The following TRAPPC9 variants were observed in gnomAD, a reference collection of about 807,000 sequenced individuals.
TRAPPC9 encodes IKK2 binding protein.
In TRAPPC9, 83 loss-of-function variants were observed where a neutral mutation model predicts 124.0. That is an observed-to-expected ratio of 0.67 (90% confidence interval 0.56 to 0.80). TRAPPC9 has a LOEUF of 0.80. Among genes scored for constraint, TRAPPC9 ranks in the 30% least tolerant of loss-of-function variants. The probability of loss-of-function intolerance (pLI) is 0.00; values close to 1 mark genes in which losing one functional copy is unlikely to be tolerated. For synonymous variants in TRAPPC9, 638 were observed against 617.5 expected (o/e 1.03, Z -0.49); for missense variants, 1,302 against 1,508.3 (o/e 0.86, Z 2.27).
At position 139,776,362 on chromosome 8, in the gene TRAPPC9, T is replaced by A. The variant is rs1265917697; in HGVS notation, c.3056-44160A>T. The stretch of plus-strand genomic sequence containing the variant: ...TCATCTCACTCGTCACAACATAGTA[T>A]TGATCGGTTTGTCCTCCGTGACCCA... On this transcript the variant is annotated intron_variant, in intron 21 of 22. Transcript: ENST00000438773. The surrounding 1 kb of genome is among the most constrained non-coding windows in gnomAD (Gnocchi z 4.1). Among the ~76,000 whole-genome samples, 3 of 152,198 alleles carry A rather than the reference T, an allele frequency of 2.0e-5. No homozygotes were observed. Among genetic ancestry groups the A allele is most frequent in the Non-Finnish European group, 4.4e-5 (3 of 68,032 alleles).
intron 17 of TRAPPC9, chr8:140,095,969 G>T (rs1844917210): frequency 6.6e-6 from 1 of 152,222 alleles, no homozygotes; most frequent in Non-Finnish European, 1.5e-5. Context: ...TTTTGGGTCT[G>T]CTTTCCCTCA....
At chr8:140,012,072 A>C (rs1839174396) in intron 18 of TRAPPC9, among the ~76,000 whole-genome samples, 1 of 152,210 alleles carries the variant, frequency 6.6e-6, no homozygotes, top group Admixed American at 6.5e-5. Flanking sequence ...GGCCTCCCAA[A>C]GTGCTGGGAC....
rs1823157975 is a variant in TRAPPC9 at position 139,797,151 on chromosome 8, C to T, written c.3056-64949G>A. 2.0e-5 allele frequency among the ~76,000 whole-genome samples: 3 copies of T among 151,146 alleles called. No homozygotes were observed. The South Asian group carries it at 6.3e-4, about 32-fold the overall frequency. On this transcript the variant is annotated intron_variant, in intron 21 of 22. Transcript: ENST00000438773. ...TCTTCGTATATTCTGGATACCAGTC[C>T]CTTATCAGATATATGGTTTGCAAAT...
At position 140,221,471 on chromosome 8, in the gene TRAPPC9, G is replaced by A. The variant is rs776241111; in HGVS notation, c.2544C>T (p.Tyr848=). ...NPPESNKAGD[Y]SHVKTLEAVL... ...CATACCAACTCACCTTCACGTGGCT[G>A]TAGTCGCCTGCTTTGTTGCTCTCGG... The change falls in exon 17 of 23, where the codon TAC becomes TAT. Residue 848 remains tyrosine (Y), a synonymous_variant. Transcript: ENST00000438773. 1.4e-5 allele frequency: 23 copies of A among 1,614,004 alleles called. No individual in the cohort carries two copies. In the South Asian group the frequency reaches 1.9e-4, roughly 13 times the overall value.
chr8:140,150,077 T>C (rs527485793), intron 17 of TRAPPC9, among the ~76,000 whole-genome samples: 9 of 152,074 alleles, frequency 5.9e-5, no homozygotes, highest in Admixed American at 1.3e-4. Context: ...ATGATGACAG[T>C]GGCAGTGGTT....
At chr8:140,163,045 CAATTTTTTAAAAT>C (rs2061777061) in intron 17 of TRAPPC9, among the ~76,000 whole-genome samples, 1 of 152,026 alleles carries the variant, frequency 6.6e-6, no homozygotes, top group African/African-American at 2.4e-5. Flanking sequence ...TATTCTACCA[CAATTTTTTAAAAT>C]AATTTTTTAA....
intron 8 of TRAPPC9, among the ~76,000 whole-genome samples, chr8:140,361,176 C>T (rs1169957878): frequency 5.3e-5 from 8 of 152,250 alleles, no homozygotes; most frequent in African/African-American, 1.2e-4. Flanking sequence ...AAAACTGCCA[C>T]GCACTGAAAG....
At chr8:140,158,023 T>A (rs191525857) in intron 17 of TRAPPC9, among the ~76,000 whole-genome samples, 82 of 152,388 alleles carry the variant, frequency 5.4e-4, no homozygotes, top group African/African-American at 1.9e-3. Flanking sequence ...TCCCTGTTGT[T>A]GGACATTTAT....
chr8:139,892,252 T>G (rs1220465077), intron 20 of TRAPPC9, among the ~76,000 whole-genome samples: 1 of 152,200 alleles, frequency 6.6e-6, no homozygotes, highest in Non-Finnish European at 1.5e-5. Context: ...TCTCCCCATG[T>G]AGTACCCAAG....
intron 2 of TRAPPC9, among the ~76,000 whole-genome samples, chr8:140,445,487 C>T (rs961074397): frequency 1.3e-5 from 2 of 152,152 alleles, no homozygotes; most frequent in African/African-American, 4.8e-5. Context: ...TCCAGGAGAG[C>T]ACCTGGGTTG....
intron 14 of TRAPPC9, among the ~76,000 whole-genome samples, chr8:140,283,499 G>A (rs919445926): frequency 5.3e-5 from 8 of 150,564 alleles, no homozygotes; most frequent in South Asian, 2.1e-4. Context: ...GGGTTTCACC[G>A]TGTTAGCCAG....
chr8:140,245,774 ATCAGCC>A (rs2063969826), intron 16 of TRAPPC9, among the ~76,000 whole-genome samples: 2 of 152,196 alleles, frequency 1.3e-5, no homozygotes, highest in South Asian at 4.1e-4. Context: ...CAGAGCGCTG[ATCAGCC>A]TCAGGTGTGA....
chr8:139,859,836 G>A (rs914148172), intron 21 of TRAPPC9, among the ~76,000 whole-genome samples: 6 of 152,224 alleles, frequency 3.9e-5, no homozygotes, highest in East Asian at 3.8e-4. Flanking sequence ...AAGGAACCAC[G>A]ATAGGAGAGG....
chr8:140,152,277 T>C (rs972101499), intron 17 of TRAPPC9, among the ~76,000 whole-genome samples: 8 of 149,348 alleles, frequency 5.4e-5, no homozygotes, highest in Non-Finnish European at 1.0e-4. Flanking sequence ...TAGGATTAGC[T>C]TGTCAATTTC....
chr8:140,086,659 T>A (rs1291340754), intron 17 of TRAPPC9, among the ~76,000 whole-genome samples: 1 of 152,192 alleles, frequency 6.6e-6, no homozygotes, highest in Admixed American at 6.5e-5. Context: ...TGGTGGCTCA[T>A]GCCTGTAATC....
At chr8:140,396,138 C>CAT (rs760056077) in intron 7 of TRAPPC9, among the ~76,000 whole-genome samples, 6 of 83,344 alleles carry the variant, frequency 7.2e-5, no homozygotes, top group African/African-American at 1.7e-4. Flanking sequence ...AAGACCTTGC[C>CAT]TTTTTTTTTT....
chr8:139,814,063 C>G (rs1824641233), intron 21 of TRAPPC9, among the ~76,000 whole-genome samples: 1 of 152,226 alleles, frequency 6.6e-6, no homozygotes, highest in Non-Finnish European at 1.5e-5. Context: ...CCTGCATCTT[C>G]CCTCACTGCC....
chr8:140,404,893 CGTGT>C (rs1009283803), intron 6 of TRAPPC9, among the ~76,000 whole-genome samples: 1 of 62,300 alleles, frequency 1.6e-5, no homozygotes, highest in Non-Finnish European at 4.4e-5. Context: ...CATGTGTGCA[CGTGT>C]GTGTGAGCAT....
chr8:140,123,155 C>T (rs1034151618), intron 17 of TRAPPC9, among the ~76,000 whole-genome samples: 6 of 152,010 alleles, frequency 3.9e-5, no homozygotes, highest in African/African-American at 1.2e-4. Flanking sequence ...TCTCAGTAAC[C>T]GGCCACACCA....
Sources: allele counts gnomAD v4.1 joint callset (sites outside exome capture counted in the v4.1 genomes callset), GRCh38; gene constraint gnomAD v4.1.1; non-coding constraint Gnocchi (gnomAD v3.1); transcripts MANE v1.5; gene names NCBI Gene and HGNC (gene_info 2026-07-23, HGNC 2026-07-21).